Variants in PNKP observed in about 807,000 individuals in gnomAD.
The protein encoded by PNKP is bifunctional polynucleotide phosphatase/kinase.
A neutral mutation model predicts 66.2 loss-of-function variants in PNKP; 82 were observed. The observed-to-expected ratio is 1.24, with a 90% CI of 1.04 to 1.49. The LOEUF is 1.49. Among genes scored for constraint, PNKP ranks in the 40% most tolerant of loss-of-function variants. PNKP has a pLI of 0.00. For missense variants in PNKP, 907 were observed against 706.8 expected (o/e 1.28, Z -3.21); for synonymous variants, 412 against 298.9 (o/e 1.38, Z -3.90).
rs983252097 is a variant in PNKP at position 49,861,780 on chromosome 19, G to A, written c.1290C>T (p.Ser430=). 2 of 1,564,216 alleles carry A rather than the reference G, an allele frequency of 1.3e-6. No individual in the cohort carries two copies. The highest frequency in any genetic ancestry group is 8.6e-7 in the Non-Finnish European group (1 of 1,157,172). ...AIDNTNPDAA[S]RARYVQCARA... is the part of the protein sequence containing the mutation. ...CCCCGCGGTCACGCTACCTGGCGCG[G>A]CTCGCGGCGTCTGGGTTTGTGTTGT... is the stretch of plus-strand genomic sequence containing the variant. The change falls in exon 14 of 17, where the codon AGC becomes AGT. Residue 430 remains serine (S), a synonymous_variant. Transcript: ENST00000322344.
rs1085307661 is a variant in PNKP, at chr19:49,861,333, C to T, written c.1481G>A (p.Gly494Asp). ...KQFEAPTLAE[G>D]FSAILEIPFR... Reference sequence around the variant, plus strand: ...CGGGATCTCCAGGATGGCAGAGAAGCCTTCAGCCAGCGTTGGGGCCTCGAA... The same window carrying T: ...CGGGATCTCCAGGATGGCAGAGAAGTCTTCAGCCAGCGTTGGGGCCTCGAA... Residue 494 changes from glycine (G) to aspartate (D), a missense_variant, in exon 17 of 17, where the codon GGC (glycine) becomes GAC (aspartate). Transcript: ENST00000322344. 1.2e-6 allele frequency: 2 copies of T among 1,614,164 alleles called. No individual in the cohort carries two copies. The highest frequency in any genetic ancestry group is 1.3e-5 in the African/African-American group (1 of 75,052).
chr19:49,867,474 A>T lies in PNKP; in HGVS notation c.-19T>A, dbSNP rs1457110991. 3.8e-6 allele frequency: 2 copies of T among 520,942 alleles called. No individual in the cohort carries two copies. The highest frequency in any genetic ancestry group is 4.5e-5 in the South Asian group (2 of 44,176). The allele number at this position is 520,942 out of a possible 1,614,324, so 32.3% of individuals were successfully genotyped here. ...CCGCCCCGCCCCGTACTCACCCGGG[A>T]CCGCGGCTTGGGCTCACGGCCACTT... On this transcript the variant is annotated 5_prime_UTR_variant, in exon 1 of 17. Coordinates refer to ENST00000322344, the MANE Select transcript of PNKP (RefSeq NM_007254.4).
chr19:49,863,231 C>T (rs1157407866), intron 8 of PNKP, among the ~76,000 whole-genome samples: 1 of 152,210 alleles, frequency 6.6e-6, no homozygotes, highest in Non-Finnish European at 1.5e-5. Context: ...CTGGCTCCCT[C>T]CTTTCCCTGC....
chr19:49,864,147 A>ACGTGCC (rs2074800753), intron 6 of PNKP, 32 bp downstream of exon 6: 2 of 1,613,216 alleles, frequency 1.2e-6, no homozygotes, highest in South Asian at 1.1e-5. Context: ...CGCCACGTGC[A>ACGTGCC]CGTGCCCATG....
At chr19:49,867,008 C>G (rs2074825038) in intron 2 of PNKP, 46 bp downstream of exon 2, 2 of 1,598,060 alleles carry the variant, frequency 1.3e-6, no homozygotes, top group Non-Finnish European at 1.7e-6. Context: ...GGATTGTTCC[C>G]GCTTTTGCAG....
In PNKP at chr19:49,861,868, G is replaced by C. The variant is rs899556646; in HGVS notation, c.1202C>G (p.Ser401Cys). 7 of 1,591,010 alleles carry C rather than the reference G, an allele frequency of 4.4e-6. No individual in the cohort carries two copies. In the African/African-American group the frequency reaches 8.1e-5, roughly 18 times the overall value. The change falls in exon 14 of 17, where the codon TCC (serine) becomes TGC (cysteine). Residue 401 changes from serine to cysteine, a missense_variant. By Grantham distance (112) the Ser-to-Cys change is moderately radical. Coordinates refer to ENST00000322344, the MANE Select transcript of PNKP (RefSeq NM_007254.4). ...YVHVNRDTLGSWQRCVTTCET... is the reference protein window; with the variant it reads ...YVHVNRDTLGCWQRCVTTCET... ...ACACGTGGTCACACAGCGCTGCCAG[G>C]AGCCTAGCGTGTCCTGGGGACACGA...
At chr19:49,862,862 C>A in intron 8 of PNKP, 124 bp from the exon 9 acceptor site, 1 of 1,022,898 alleles carries the variant, frequency 9.8e-7, no homozygotes, top group Non-Finnish European at 1.5e-6. Context: ...CCTTTCATGT[C>A]CTCACTCTCC....
At position 49,865,145 on chromosome 19, in the gene PNKP, C is replaced by G. The variant is rs1600421459; in HGVS notation, c.480G>C (p.Gly160=). The G allele has an allele frequency of 6.2e-7, 1 of 1,614,058 alleles. No homozygotes were observed. The highest frequency in any genetic ancestry group is 1.1e-5 in the South Asian group (1 of 91,086). Reference sequence around the variant, plus strand: ...CCCTCACCTTGCCCTGGGGTTTCACCCCAGCTGCGGTGAACACTAGCAACT... The same window carrying G: ...CCCTCACCTTGCCCTGGGGTTTCACGCCAGCTGCGGTGAACACTAGCAACT... ...LEKLLVFTAA[G]VKPQGKVAGF... Residue 160 remains glycine, a synonymous_variant, in exon 4 of 17, where the codon GGG becomes GGC. Coordinates refer to ENST00000322344, the MANE Select transcript of PNKP (RefSeq NM_007254.4).
At chr19:49,866,742 C>G (rs773244248) in intron 2 of PNKP, 2 of 591,590 alleles carry the variant, frequency 3.4e-6, no homozygotes, top group Non-Finnish European at 6.0e-6. Context: ...CCCAACCTAG[C>G]GACATTTACT....
chr19:49,862,996 C>G (rs1029248989), intron 8 of PNKP, among the ~76,000 whole-genome samples: 10 of 152,138 alleles, frequency 6.6e-5, no homozygotes. Flanking sequence ...AGGGCACCCA[C>G]CCTGCTACAG....
chr19:49,867,389 C>G lies in PNKP; in HGVS notation c.-14+80G>C, dbSNP rs1040958059. 4 of 665,248 alleles carry G rather than the reference C, an allele frequency of 6.0e-6. No homozygotes were observed. In the African/African-American group the frequency reaches 7.3e-5, roughly 12 times the overall value. The allele number at this position is 665,248 out of a possible 1,614,324, so 41.2% of individuals were successfully genotyped here. A position where few individuals can be genotyped will look rare whatever the true frequency, so the allele number is the denominator to read the frequency against. ...TCCCAGGCGACGACGCGTGCTCCAT[C>G]CCTCCCCGAGTTGCAATCCCCACTT... On this transcript the variant is annotated intron_variant, in intron 1 of 16. Transcript: ENST00000322344.
Position 49,862,219 on chromosome 19 carries a change from G to A in PNKP, c.1092C>T (p.Ser364=). 6.2e-7 allele frequency: 1 copy of A among 1,613,186 alleles called. No homozygotes were observed. The highest frequency in any genetic ancestry group is 1.1e-5 in the South Asian group (1 of 90,886). The change falls in exon 12 of 17, where the codon AGC becomes AGT. Residue 364 remains serine (S), a synonymous_variant. Coordinates refer to ENST00000322344, the MANE Select transcript of PNKP (RefSeq NM_007254.4). Reference sequence around the variant, plus strand: ...ATCCCACTGCGACAACCACCTCCGGGCTGGCGCTCAGGAGGGCCCTGGACT... The same window carrying A: ...ATCCCACTGCGACAACCACCTCCGGACTGGCGCTCAGGAGGGCCCTGGACT... The part of the protein sequence containing the change: ...LPESRALLSA[S]PEVVVAVGFP...
At position 49,865,231 on chromosome 19, in the gene PNKP, C is replaced by T; in HGVS notation, c.394G>A (p.Asp132Asn). 2 of 1,614,220 alleles carry T rather than the reference C, an allele frequency of 1.2e-6. No individual in the cohort carries two copies. Among genetic ancestry groups the T allele is most frequent in the Non-Finnish European group, 1.7e-6 (2 of 1,180,034 alleles). ...TPLVSQDEKR[D>N]AELPKKRMRK... ...ATACGCTTCTTCGGCAGCTCAGCAT[C>T]TCTCTTCTCATCTTGGGACACCAGA... Residue 132 changes from aspartate to asparagine, a missense_variant, in exon 4 of 17, where the codon GAT (aspartate) becomes AAT (asparagine). Transcript: ENST00000322344.
At position 49,863,869 on chromosome 19, in the gene PNKP, GCCT is replaced by G; in HGVS notation, c.744+92_744+94del. Reference sequence around the variant, plus strand: ...GATGGGTTCCTATCAGCATCACACTGCCTGAGGCCTCCGCCCCGCTTACCCTGG... The same window carrying G: ...GATGGGTTCCTATCAGCATCACACTGGAGGCCTCCGCCCCGCTTACCCTGG... On this transcript the variant is annotated intron_variant, in intron 7 of 16. Coordinates refer to ENST00000322344, the MANE Select transcript of PNKP (RefSeq NM_007254.4). 4.4e-6 allele frequency: 6 copies of G among 1,365,990 alleles called. No individual in the cohort carries two copies. In the South Asian group the frequency reaches 7.3e-5, roughly 17 times the overall value. The allele number at this position is 1,365,990 out of a possible 1,614,324, so 84.6% of individuals were successfully genotyped here. A position where few individuals can be genotyped will look rare whatever the true frequency, so the allele number is the denominator to read the frequency against.
chr19:49,861,575 A>G (rs1408928799), intron 15 of PNKP, 33 bp downstream of exon 15: 1 of 1,551,200 alleles, frequency 6.4e-7, no homozygotes, highest in African/African-American at 1.4e-5. Context: ...CAGGGGGTGC[A>G]GCCCGGGGGG....
At position 49,863,775 on chromosome 19, in the gene PNKP, G is replaced by A; in HGVS notation, c.745-15C>T. 1.9e-6 allele frequency: 3 copies of A among 1,555,388 alleles called. No homozygotes were observed. Among genetic ancestry groups the A allele is most frequent in the Non-Finnish European group, 1.7e-6 (2 of 1,148,642 alleles). On this transcript the variant is annotated splice_polypyrimidine_tract_variant and intron_variant, in intron 7 of 16. Transcript: ENST00000322344. ...GCCACCAGCACCTGTGGATGGGAGG[G>A]GGCCACCAGCTTTAGCTCCCCCTCA... is the stretch of plus-strand genomic sequence containing the variant.
In PNKP at chr19:49,862,480, A is replaced by G; in HGVS notation, c.937-17T>C. 6.3e-7 allele frequency: 1 copy of G among 1,595,116 alleles called. No homozygotes were observed. Among genetic ancestry groups the G allele is most frequent in the South Asian group, 1.1e-5 (1 of 88,566 alleles). On this transcript the variant is annotated splice_polypyrimidine_tract_variant and intron_variant, in intron 10 of 16. Transcript: ENST00000322344. ...GAGGGCAAACTAGGGGTTGAGGACG[A>G]ACATCAGACACAGGCCAGGGTCGGG...
chr19:49,862,320 A>T (rs1324585231), intron 11 of PNKP, 39 bp from the exon 12 acceptor site: 7 of 1,536,158 alleles, frequency 4.6e-6, no homozygotes, highest in Non-Finnish European at 5.3e-6. Context: ...TGCCGTCCCC[A>T]TCCCCGGGAG....
Position 49,861,298 on chromosome 19 carries a change from A to T in PNKP, c.1516T>A (p.Trp506Arg). 1.2e-6 allele frequency: 2 copies of T among 1,614,036 alleles called. No homozygotes were observed. The change falls in exon 17 of 17, where the codon TGG becomes AGG. Residue 506 changes from tryptophan to arginine, a missense_variant. By Grantham distance (101) the Trp-to-Arg change is moderately radical. Coordinates refer to ENST00000322344, the MANE Select transcript of PNKP (RefSeq NM_007254.4). ...AGCCGCCCCAGCCTCGGCTCCACCC[A>T]TAGCCGGAACGGGATCTCCAGGATG... ...SAILEIPFRL[W>R]VEPRLGRLYC... is the part of the protein sequence containing the mutation.
Sources: allele counts gnomAD v4.1 joint callset (sites outside exome capture counted in the v4.1 genomes callset), GRCh38; gene constraint gnomAD v4.1.1; transcripts MANE v1.5; gene names NCBI Gene and HGNC (gene_info 2026-07-23, HGNC 2026-07-21).